CDH12: variants seen among roughly 807,000 people sequenced by gnomAD.
CDH12 encodes the protein cadherin-12.
In CDH12, 41 loss-of-function variants were observed where a neutral mutation model predicts 74.1. The observed-to-expected ratio is 0.55, with a 90% CI of 0.43 to 0.72. The LOEUF is 0.72. Among genes scored for constraint, CDH12 ranks in the 30% least tolerant of loss-of-function variants. The probability of loss-of-function intolerance (pLI) is 0.00; values close to 1 mark genes in which losing one functional copy is unlikely to be tolerated. For synonymous variants in CDH12, 399 were observed against 355.0 expected, an observed-to-expected ratio of 1.12 and a Z score of -1.39; for missense variants, 945 against 977.2, an observed-to-expected ratio of 0.97 and a Z score of 0.44.
chr5:22,613,882 T>C (rs558414441), intron 1 of CDH12, among the ~76,000 whole-genome samples: 5 of 152,202 alleles, frequency 3.3e-5, no homozygotes, highest in African/African-American at 1.2e-4. Flanking sequence ...AAAAAAATGT[T>C]TAAGTTAACA....
In CDH12 at chr5:22,517,420, A is replaced by G. The variant is rs539353335; in HGVS notation, c.-522-12056T>C. ...ATCACTCTGGTAACAAAGTTACATC[A>G]TATTTACCTGAAAATATTGAAGTTC... On this transcript the variant is annotated intron_variant, in intron 1 of 14. Coordinates refer to ENST00000382254, the MANE Select transcript of CDH12 (RefSeq NM_004061.5). Among the ~76,000 whole-genome samples, 11 of 152,280 alleles carry G rather than the reference A, an allele frequency of 7.2e-5. No homozygotes were observed. In the South Asian group the frequency reaches 2.3e-3, roughly 32 times the overall value.
chr5:22,384,879 T>A lies in CDH12; in HGVS notation c.-333+20378A>T, dbSNP rs542784020. On this transcript the variant is annotated intron_variant, in intron 3 of 14. Coordinates refer to ENST00000382254, the MANE Select transcript of CDH12 (RefSeq NM_004061.5). ...AGTTAATACAAGCCTTGGGTCCGAT[T>A]TCTAATGATTTTAATATTTTAAATT... 4.6e-5 allele frequency among the ~76,000 whole-genome samples: 7 copies of A among 152,332 alleles called. No homozygotes were observed. The South Asian group carries it at 1.4e-3, about 32-fold the overall frequency.
chr5:22,249,214 G>T (rs1379889494), intron 3 of CDH12, among the ~76,000 whole-genome samples: 1 of 152,184 alleles, frequency 6.6e-6, no homozygotes, highest in East Asian at 1.9e-4. Context: ...AGCTGTGAAT[G>T]TTAGAGCCAT....
At chr5:22,173,206 TG>T (rs1490897807) in intron 4 of CDH12, among the ~76,000 whole-genome samples, 2 of 149,326 alleles carry the variant, frequency 1.3e-5, no homozygotes, top group Admixed American at 6.7e-5. Context: ...ATGTGCTAAA[TG>T]TACACATTTA....
chr5:22,261,399 T>C (rs1277068333), intron 3 of CDH12, among the ~76,000 whole-genome samples: 1 of 151,980 alleles, frequency 6.6e-6, no homozygotes, highest in Admixed American at 6.6e-5. Context: ...GATGTACTAG[T>C]TGTTAATAGT....
At chr5:22,442,008 T>G (rs2126543085) in intron 2 of CDH12, among the ~76,000 whole-genome samples, 1 of 152,274 alleles carries the variant, frequency 6.6e-6, no homozygotes, top group East Asian at 1.9e-4. Context: ...GTGGCCCCTT[T>G]ATTTGTATTC....
At chr5:22,026,782 C>T (rs1017655301) in intron 5 of CDH12, among the ~76,000 whole-genome samples, 8 of 152,140 alleles carry the variant, frequency 5.3e-5, no homozygotes. Flanking sequence ...TATTTACTTA[C>T]ACTCCACAAT....
chr5:22,402,013 G>A (rs1309104496), intron 3 of CDH12, among the ~76,000 whole-genome samples: 1 of 152,298 alleles, frequency 6.6e-6, no homozygotes, highest in East Asian at 1.9e-4. Flanking sequence ...TGGCCTTCTG[G>A]CCTTCAGAAC....
chr5:22,248,015 G>A (rs1753013649), intron 3 of CDH12, among the ~76,000 whole-genome samples: 2 of 152,090 alleles, frequency 1.3e-5, no homozygotes, highest in African/African-American at 4.8e-5. Flanking sequence ...AGAATATCTC[G>A]GCCAGGTACA....
chr5:22,052,137 C>A (rs957274228), intron 5 of CDH12, among the ~76,000 whole-genome samples: 6 of 152,096 alleles, frequency 3.9e-5, no homozygotes, highest in African/African-American at 1.4e-4. Context: ...TGTGTGAAAG[C>A]CTTCAGCACT....
intron 2 of CDH12, among the ~76,000 whole-genome samples, chr5:22,475,360 C>A (rs1242342989): frequency 6.6e-6 from 1 of 151,470 alleles, no homozygotes; most frequent in African/African-American, 2.4e-5. Flanking sequence ...AAATAACTAA[C>A]CGATTAATAG....
intron 4 of CDH12, among the ~76,000 whole-genome samples, chr5:22,172,821 C>A (rs550179296): frequency 4.0e-5 from 6 of 151,342 alleles, no homozygotes; most frequent in African/African-American, 9.7e-5. Flanking sequence ...TATATTAATG[C>A]AAATTTTACA....
At chr5:22,296,017 A>G (rs1032629840) in intron 3 of CDH12, among the ~76,000 whole-genome samples, 10 of 152,042 alleles carry the variant, frequency 6.6e-5, no homozygotes, top group African/African-American at 1.4e-4. Flanking sequence ...TGAAAATCCA[A>G]TTTTGCTGAC....
chr5:22,605,046 G>T (rs1737030724), intron 1 of CDH12, among the ~76,000 whole-genome samples: 1 of 146,712 alleles, frequency 6.8e-6, no homozygotes, highest in Admixed American at 7.0e-5. Context: ...GATGAGATTA[G>T]CATTTAAATC....
intron 6 of CDH12, among the ~76,000 whole-genome samples, chr5:21,924,628 GA>G (rs1273919907): frequency 6.6e-6 from 1 of 152,216 alleles, no homozygotes; most frequent in East Asian, 1.9e-4. Flanking sequence ...TTACACTGGT[GA>G]AATGATGTTG....
intron 1 of CDH12, among the ~76,000 whole-genome samples, chr5:22,807,145 C>T (rs1748859297): frequency 6.6e-6 from 1 of 151,932 alleles, no homozygotes. Context: ...TAGATTTTGA[C>T]TGAAAAGGGC....
intron 5 of CDH12, among the ~76,000 whole-genome samples, chr5:22,046,059 T>A (rs6896767): frequency 6.6e-6 from 1 of 152,004 alleles, no homozygotes; most frequent in Non-Finnish European, 1.5e-5. Context: ...GCATTGCCAA[T>A]GTAAATATAA....
Position 21,862,142 on chromosome 5 carries a change from A to T in CDH12, c.527-7352T>A, listed in dbSNP as rs142581459. Among the ~76,000 whole-genome samples, 448 of 152,132 alleles carry T rather than the reference A, an allele frequency of 2.9e-3. 4 individuals are homozygous for T. Among genetic ancestry groups the T allele is most frequent in the Non-Finnish European group, 4.7e-3 (321 of 67,976 alleles). On this transcript the variant is annotated intron_variant, in intron 6 of 14. Coordinates refer to ENST00000382254, the MANE Select transcript of CDH12 (RefSeq NM_004061.5). Reference sequence around the variant, plus strand: ...TCCTTTAGTTGTGTTTGGTAAACTTATGTGGGTTTTATAGTTTAGTCTTCT... The same window carrying T: ...TCCTTTAGTTGTGTTTGGTAAACTTTTGTGGGTTTTATAGTTTAGTCTTCT...
At chr5:22,491,517 G>T (rs978326627) in intron 2 of CDH12, among the ~76,000 whole-genome samples, 11 of 150,010 alleles carry the variant, frequency 7.3e-5, no homozygotes, top group Admixed American at 4.0e-4. Flanking sequence ...GCTTATAGGG[G>T]TGTCCAATCT....
Sources: allele counts gnomAD v4.1 joint callset (sites outside exome capture counted in the v4.1 genomes callset), GRCh38; gene constraint gnomAD v4.1.1; transcripts MANE v1.5; gene names NCBI Gene and HGNC (gene_info 2026-07-23, HGNC 2026-07-21).